HS6ST3: variants seen among roughly 807,000 people sequenced by gnomAD.
HS6ST3 encodes the protein heparan-sulfate 6-O-sulfotransferase 3.
In HS6ST3, 12 loss-of-function variants were observed where a neutral mutation model predicts 36.7. The observed-to-expected ratio is 0.33, with a 90% confidence interval of 0.21 to 0.53. HS6ST3 has a LOEUF of 0.53. HS6ST3 is among the 20% of genes least tolerant of loss of function. The pLI is 0.95. For missense variants in HS6ST3, 584 were observed against 640.9 expected (o/e 0.91, Z 0.96); for synonymous variants, 240 against 257.5 (o/e 0.93, Z 0.65).
chr13:96,550,540 C>G (rs1349214167), intron 1 of HS6ST3, among the ~76,000 whole-genome samples: 1 of 152,106 alleles, frequency 6.6e-6, no homozygotes, highest in Non-Finnish European at 1.5e-5. Context: ...ACCTTCAAGC[C>G]TAATGTGGAC....
intron 1 of HS6ST3, among the ~76,000 whole-genome samples, chr13:96,150,398 G>T (rs1036361205): frequency 6.6e-6 from 1 of 152,078 alleles, no homozygotes; most frequent in Non-Finnish European, 1.5e-5. Context: ...ATCGGGAACT[G>T]GCAGCTTGGT....
intron 1 of HS6ST3, among the ~76,000 whole-genome samples, chr13:96,334,826 C>G (rs926086525): frequency 1.3e-5 from 2 of 152,176 alleles, no homozygotes; most frequent in Non-Finnish European, 2.9e-5. Flanking sequence ...GGTGGAGACA[C>G]AGCCAAACCG....
chr13:96,454,706 C>T (rs956282848), intron 1 of HS6ST3, among the ~76,000 whole-genome samples: 3 of 151,782 alleles, frequency 2.0e-5, no homozygotes, highest in Admixed American at 6.6e-5. Context: ...GTCTGTTTGA[C>T]TGTGAGTCAC....
At chr13:96,153,912 G>A (rs2054098869) in intron 1 of HS6ST3, among the ~76,000 whole-genome samples, 1 of 152,150 alleles carries the variant, frequency 6.6e-6, no homozygotes, top group Non-Finnish European at 1.5e-5. Flanking sequence ...GATGCTTAGC[G>A]GTGAGGGACA....
intron 1 of HS6ST3, among the ~76,000 whole-genome samples, chr13:96,447,459 T>A (rs548766130): frequency 1.3e-4 from 20 of 152,346 alleles, no homozygotes; most frequent in Admixed American, 1.2e-3. Context: ...TTTGTTTCTT[T>A]TAAAGCAGCT....
At chr13:96,755,824 A>G (rs1876813917) in intron 1 of HS6ST3, among the ~76,000 whole-genome samples, 2 of 152,228 alleles carry the variant, frequency 1.3e-5, no homozygotes, top group Non-Finnish European at 2.9e-5. Flanking sequence ...TTTTTGACAT[A>G]TATTTTCATT....
intron 1 of HS6ST3, among the ~76,000 whole-genome samples, chr13:96,617,400 G>A (rs1425780763): frequency 6.6e-6 from 1 of 152,102 alleles, no homozygotes; most frequent in Non-Finnish European, 1.5e-5. Context: ...TTACTTAATA[G>A]TTTTAAACTG....
intron 1 of HS6ST3, among the ~76,000 whole-genome samples, chr13:96,203,052 A>C (rs771905622): frequency 6.6e-6 from 1 of 152,064 alleles, no homozygotes; most frequent in Non-Finnish European, 1.5e-5. Context: ...CATTCATGTT[A>C]CTGTCTGCCT....
chr13:96,407,073 G>A (rs904451291), intron 1 of HS6ST3, among the ~76,000 whole-genome samples: 9 of 152,006 alleles, frequency 5.9e-5, no homozygotes, highest in East Asian at 1.9e-4. Flanking sequence ...ATCATTTTAC[G>A]GGATTTGACT....
intron 1 of HS6ST3, among the ~76,000 whole-genome samples, chr13:96,327,022 G>T (rs1231745517): frequency 2.1e-5 from 3 of 141,678 alleles, no homozygotes; most frequent in Admixed American, 1.4e-4. Flanking sequence ...TTTTTGATGG[G>T]GTTGTTTGTT....
chr13:96,267,703 G>A (rs2054699113), intron 1 of HS6ST3, among the ~76,000 whole-genome samples: 1 of 151,956 alleles, frequency 6.6e-6, no homozygotes, highest in Admixed American at 6.6e-5. Flanking sequence ...TTTTATAAGT[G>A]CTATATTATA....
intron 1 of HS6ST3, among the ~76,000 whole-genome samples, chr13:96,153,068 A>G (rs1029698065): frequency 3.3e-5 from 5 of 152,114 alleles, no homozygotes; most frequent in African/African-American, 4.8e-5. Context: ...CAGTTCCTTC[A>G]TTTGGATGCT....
At chr13:96,173,440 T>C (rs1339042308) in intron 1 of HS6ST3, among the ~76,000 whole-genome samples, 1 of 152,152 alleles carries the variant, frequency 6.6e-6, no homozygotes, top group African/African-American at 2.4e-5. Flanking sequence ...TGTCTGAGCA[T>C]CTGAGAATTT....
chr13:96,605,919 G>C (rs927347684), intron 1 of HS6ST3, among the ~76,000 whole-genome samples: 2 of 151,214 alleles, frequency 1.3e-5, no homozygotes, highest in African/African-American at 4.9e-5. Context: ...GCAAAGGACA[G>C]GGACAGATAC....
intron 1 of HS6ST3, among the ~76,000 whole-genome samples, chr13:96,228,628 G>A (rs2054492580): frequency 6.6e-6 from 1 of 152,096 alleles, no homozygotes; most frequent in Non-Finnish European, 1.5e-5. Context: ...TTCTTAGCCT[G>A]TAGCCATACA....
intron 1 of HS6ST3, among the ~76,000 whole-genome samples, chr13:96,444,691 C>G (rs1220255611): frequency 6.6e-6 from 1 of 152,112 alleles, no homozygotes; most frequent in Non-Finnish European, 1.5e-5. Flanking sequence ...GTAGGGTTCA[C>G]CTTTTTATGA....
intron 1 of HS6ST3, among the ~76,000 whole-genome samples, chr13:96,263,022 G>A (rs977379091): frequency 1.3e-5 from 2 of 152,152 alleles, no homozygotes; most frequent in Non-Finnish European, 2.9e-5. Flanking sequence ...CACGTATATT[G>A]AAGTATTGTT....
intron 1 of HS6ST3, among the ~76,000 whole-genome samples, chr13:96,384,619 A>G (rs9513131): frequency 0.34 from 51,283 of 151,886 alleles, 9,380 homozygotes; most frequent in Non-Finnish European, 0.42. Context: ...GTCCTCTCCA[A>G]CCTGGCCTGA....
intron 1 of HS6ST3, among the ~76,000 whole-genome samples, chr13:96,807,789 C>A (rs927753722): frequency 1.3e-5 from 2 of 151,438 alleles, no homozygotes; most frequent in African/African-American, 4.9e-5. Context: ...TGGTGGGAAC[C>A]CGGGAGGTGG....
Sources: gnomAD v4.1 joint callset for allele counts (sites outside exome capture counted in the v4.1 genomes callset) on GRCh38, gnomAD v4.1.1 for gene constraint, MANE v1.5 for transcripts, NCBI Gene and HGNC (gene_info 2026-07-23, HGNC 2026-07-21) for gene names.